SLC25A21: variants seen among roughly 807,000 people sequenced by gnomAD.
SLC25A21 encodes the protein solute carrier family 25 member 21, also known as mitochondrial 2-oxodicarboxylate carrier.
SLC25A21 carries 47 observed loss-of-function variants against 43.8 expected under a neutral mutation model. That is an observed-to-expected ratio of 1.07 (90% CI 0.85 to 1.37). SLC25A21 has a LOEUF of 1.37. Ranked by LOEUF, SLC25A21 falls within the 40% of genes most tolerant of loss-of-function variation. SLC25A21 has a pLI of 0.00. For missense variants in SLC25A21, 352 were observed against 350.2 expected (o/e 1.00, Z -0.04); for synonymous variants, 131 against 121.3 (o/e 1.08, Z -0.52).
intron 1 of SLC25A21, among the ~76,000 whole-genome samples, chr14:36,913,195 A>G (rs1038161147): frequency 6.6e-6 from 1 of 152,382 alleles, no homozygotes; most frequent in East Asian, 1.9e-4. Flanking sequence ...AGGCTAAAGT[A>G]TAAGCCTATA....
rs148232667 is a variant in SLC25A21 at position 37,141,291 on chromosome 14, CATA to C, written c.70+30987_70+30989del. Among the ~76,000 whole-genome samples, 923 of 152,102 alleles carry C rather than the reference CATA, an allele frequency of 6.1e-3. 10 individuals carry two copies. Among genetic ancestry groups the C allele is most frequent in the African/African-American group, 0.022 (894 of 41,504 alleles). On this transcript the variant is annotated intron_variant, in intron 1 of 9. Transcript: ENST00000331299. Reference sequence around the variant, plus strand: ...CCTTCCCAGTCCAAAAGCTGAATACCATAATGACTAGCTAAAGATGCTAATTCA... The same window carrying C: ...CCTTCCCAGTCCAAAAGCTGAATACCATGACTAGCTAAAGATGCTAATTCA...
chr14:36,940,352 T>A (rs1218431285), intron 1 of SLC25A21, among the ~76,000 whole-genome samples: 1 of 152,040 alleles, frequency 6.6e-6, no homozygotes, highest in East Asian at 1.9e-4. Context: ...TTTAAAAAAA[T>A]ATACTACTCT....
At position 36,678,170 on chromosome 14, in the gene SLC25A21, G is replaced by A. The variant is rs1049750386; in HGVS notation, c.*2488C>T. 2.4e-6 allele frequency: 1 copy of A among 417,836 alleles called. No homozygotes were observed. The highest frequency in any genetic ancestry group is 2.0e-5 in the African/African-American group (1 of 50,476). 25.9% of individuals were successfully genotyped at this position (417,836 alleles called of 1,614,324 possible). A position where few individuals can be genotyped will look rare whatever the true frequency, so the allele number is the denominator to read the frequency against. ...TGTGCACAGTCTACATGGCAATGCG[G>A]TTCCACCACATCGGTTTCGTGGCTT... On this transcript the variant is annotated 3_prime_UTR_variant, in exon 10 of 10. Transcript: ENST00000331299.
At chr14:37,046,449 G>A (rs772135487) in intron 1 of SLC25A21, among the ~76,000 whole-genome samples, 12 of 152,072 alleles carry the variant, frequency 7.9e-5, no homozygotes, top group African/African-American at 1.2e-4. Context: ...GCTTCAAAAC[G>A]GCATTTTTAA....
chr14:37,166,001 G>A (rs913676532), intron 1 of SLC25A21, among the ~76,000 whole-genome samples: 10 of 152,146 alleles, frequency 6.6e-5, no homozygotes, highest in African/African-American at 2.2e-4. Context: ...TGAGACCAGA[G>A]ATCTTGGGAT....
At chr14:36,778,336 A>T (rs1886913348) in intron 3 of SLC25A21, among the ~76,000 whole-genome samples, 1 of 152,318 alleles carries the variant, frequency 6.6e-6, no homozygotes, top group South Asian at 2.1e-4. Context: ...TTCCTCCTCT[A>T]TGCTATTAAT....
intron 6 of SLC25A21, among the ~76,000 whole-genome samples, chr14:36,722,073 T>A (rs1884394930): frequency 6.6e-6 from 1 of 152,204 alleles, no homozygotes; most frequent in Non-Finnish European, 1.5e-5. Context: ...ACTACCCACA[T>A]GTTGGAAGTT....
chr14:36,906,739 C>A (rs1373734840), intron 1 of SLC25A21, among the ~76,000 whole-genome samples: 1 of 152,072 alleles, frequency 6.6e-6, no homozygotes, highest in Admixed American at 6.6e-5. Context: ...CTCCTGACCT[C>A]ATGATCCACC....
At chr14:36,874,864 G>C in intron 2 of SLC25A21, 92 bp downstream of exon 2, 1 of 975,168 alleles carries the variant, frequency 1.0e-6, no homozygotes, top group Non-Finnish European at 1.5e-6. Context: ...AGAAGCTACC[G>C]GCCTGGGACA....
chr14:36,885,261 T>C (rs1452672906), intron 1 of SLC25A21, among the ~76,000 whole-genome samples: 1 of 152,168 alleles, frequency 6.6e-6, no homozygotes, highest in East Asian at 1.9e-4. Flanking sequence ...TTGTGGAAAA[T>C]CAATTGACCA....
intron 3 of SLC25A21, among the ~76,000 whole-genome samples, chr14:36,756,285 G>A (rs1053615339): frequency 3.9e-5 from 6 of 152,190 alleles, no homozygotes; most frequent in Admixed American, 6.5e-5. Context: ...GCTGGAAGAC[G>A]ATGTTCGGCC....
intron 1 of SLC25A21, among the ~76,000 whole-genome samples, chr14:36,931,690 A>G (rs1156924134): frequency 6.6e-6 from 1 of 152,158 alleles, no homozygotes. Flanking sequence ...AAAGCAGAGA[A>G]GAGCACTCAA....
chr14:36,981,628 A>T (rs1960025693), intron 1 of SLC25A21, among the ~76,000 whole-genome samples: 2 of 152,138 alleles, frequency 1.3e-5, no homozygotes, highest in Non-Finnish European at 2.9e-5. Flanking sequence ...CATAGGTGGG[A>T]ATTGAACAAT....
At chr14:36,895,861 T>C (rs1186248775) in intron 1 of SLC25A21, among the ~76,000 whole-genome samples, 1 of 152,232 alleles carries the variant, frequency 6.6e-6, no homozygotes, top group African/African-American at 2.4e-5. Flanking sequence ...TGAGTGAGTT[T>C]CTTAATCCTG....
intron 1 of SLC25A21, among the ~76,000 whole-genome samples, chr14:37,089,376 T>A (rs181572206): frequency 2.9e-4 from 44 of 152,306 alleles, no homozygotes; most frequent in Non-Finnish European, 5.4e-4. Flanking sequence ...GGAAGTTACA[T>A]CCTAAGTTTA....
At chr14:36,776,830 C>A (rs11846626) in intron 3 of SLC25A21, among the ~76,000 whole-genome samples, 71,159 of 151,970 alleles carry the variant, frequency 0.47, 17,797 homozygotes, top group East Asian at 0.69. Flanking sequence ...CCCACCTTCA[C>A]ATCTATTTAC....
chr14:37,137,183 G>T (rs1963496579), intron 1 of SLC25A21, among the ~76,000 whole-genome samples: 3 of 152,128 alleles, frequency 2.0e-5, no homozygotes, highest in East Asian at 1.9e-4. Flanking sequence ...ATTTTTAGTA[G>T]AGACGGGGTT....
chr14:36,755,630 C>T (rs1490157486), intron 3 of SLC25A21, among the ~76,000 whole-genome samples: 1 of 152,134 alleles, frequency 6.6e-6, no homozygotes, highest in Non-Finnish European at 1.5e-5. Flanking sequence ...GTGAACCACA[C>T]TTTGACCACT....
intron 1 of SLC25A21, among the ~76,000 whole-genome samples, chr14:37,092,413 G>A (rs1040765479): frequency 5.3e-5 from 8 of 152,126 alleles, no homozygotes; most frequent in Non-Finnish European, 7.4e-5. Flanking sequence ...GACAGTAGTT[G>A]TTGCTGGCAT....
Sources: allele counts gnomAD v4.1 joint callset (sites outside exome capture counted in the v4.1 genomes callset), GRCh38; gene constraint gnomAD v4.1.1; transcripts MANE v1.5; gene names NCBI Gene and HGNC (gene_info 2026-07-23, HGNC 2026-07-21).